DLGAP1: variants seen among roughly 807,000 people sequenced by gnomAD.
DLGAP1 encodes DLG associated protein 1.
Under a neutral mutation model 90.8 loss-of-function variants are expected in DLGAP1, and 11 were observed. The ratio of observed to expected loss-of-function variants is 0.12; its 90% CI spans 0.08 to 0.20. The LOEUF (loss-of-function observed/expected upper bound fraction) is 0.20, where lower values mean the gene tolerates loss of function less well. Among genes scored for constraint, DLGAP1 ranks in the 10% least tolerant of loss-of-function variants. The probability of loss-of-function intolerance (pLI) is 1.00; values close to 1 mark genes in which losing one functional copy is unlikely to be tolerated. For missense variants in DLGAP1, 1,050 were observed against 1,333.8 expected (o/e 0.79, Z 3.31); for synonymous variants, 558 against 540.7 (o/e 1.03, Z -0.44).
chr18:3,632,877 T>C (rs753827468), intron 7 of DLGAP1, among the ~76,000 whole-genome samples: 15 of 152,212 alleles, frequency 9.9e-5, no homozygotes, highest in Non-Finnish European at 1.6e-4. Context: ...TTACAACTTC[T>C]CATGAATGGA....
At chr18:3,932,497 A>T (rs895579417) in intron 3 of DLGAP1, among the ~76,000 whole-genome samples, 2 of 151,986 alleles carry the variant, frequency 1.3e-5, no homozygotes, top group African/African-American at 4.8e-5. Context: ...CTTGCGGGGG[A>T]GCCTAGGCCC....
Position 4,187,724 on chromosome 18 carries a change from G to A in DLGAP1, c.-266-36437C>T, listed in dbSNP as rs9952783. On this transcript the variant is annotated intron_variant, in intron 1 of 12. Coordinates refer to ENST00000315677, the MANE Select transcript of DLGAP1 (RefSeq NM_004746.4). The stretch of plus-strand genomic sequence containing the variant: ...TTTTAAATTAAATTGTCAGCTGGGC[G>A]TGGTGGCTCATGCCTGTAATCTCAG... Among the ~76,000 whole-genome samples the A allele has an allele frequency of 2.4e-3, 368 of 152,198 alleles. 2 individuals carry two copies. Among genetic ancestry groups the A allele is most frequent in the African/African-American group, 8.4e-3 (350 of 41,542 alleles).
intron 7 of DLGAP1, among the ~76,000 whole-genome samples, chr18:3,642,685 G>A (rs1254519744): frequency 2.0e-5 from 3 of 152,128 alleles, no homozygotes; most frequent in Non-Finnish European, 2.9e-5. Context: ...GATAACATAC[G>A]CCTTGCCTTT....
chr18:3,804,763 A>AT (rs1202413986), intron 5 of DLGAP1, among the ~76,000 whole-genome samples: 1 of 152,236 alleles, frequency 6.6e-6, no homozygotes, highest in Non-Finnish European at 1.5e-5. Context: ...ATGCGTTAGC[A>AT]TTTGTTCAAC....
At chr18:4,353,708 G>A (rs992305842) in intron 1 of DLGAP1, among the ~76,000 whole-genome samples, 2 of 150,522 alleles carry the variant, frequency 1.3e-5, no homozygotes, top group African/African-American at 4.9e-5. Context: ...ACATACACAC[G>A]ATATATAAAC....
intron 7 of DLGAP1, among the ~76,000 whole-genome samples, chr18:3,662,315 T>G (rs967161139): frequency 2.0e-5 from 3 of 152,202 alleles, no homozygotes; most frequent in Non-Finnish European, 4.4e-5. Flanking sequence ...TATTTAAGGA[T>G]GTACCTCATA....
rs535874480 is a variant in DLGAP1, at chr18:3,704,506, G to T, written c.1591+24629C>A. On this transcript the variant is annotated intron_variant, in intron 7 of 12. Transcript: ENST00000315677. ...AATCGCTTGAACCCGGGAGGCAGAG[G>T]TTGCAGTGAGCCGAGACTGCACCAC... Among the ~76,000 whole-genome samples the T allele has an allele frequency of 3.9e-5, 6 of 152,012 alleles. No homozygotes were observed. The South Asian group carries it at 1.2e-3, about 32-fold the overall frequency.
intron 2 of DLGAP1, among the ~76,000 whole-genome samples, chr18:4,042,000 A>T (rs541585943): frequency 2.0e-5 from 3 of 152,294 alleles, no homozygotes; most frequent in African/African-American, 7.2e-5. Context: ...ATAAAGAAGA[A>T]TTTTCTCATT....
intron 1 of DLGAP1, among the ~76,000 whole-genome samples, chr18:4,403,798 T>C (rs1204293910): frequency 2.0e-5 from 3 of 152,144 alleles, no homozygotes; most frequent in Non-Finnish European, 4.4e-5. Context: ...CAGTTGAGTG[T>C]CCATGGGTTA....
At chr18:3,537,968 C>T (rs186840673) in intron 9 of DLGAP1, among the ~76,000 whole-genome samples, 2 of 152,294 alleles carry the variant, frequency 1.3e-5, no homozygotes, top group African/African-American at 4.8e-5. Flanking sequence ...TTATACAACA[C>T]TAAATACACC....
chr18:4,371,619 C>T (rs910593073), intron 1 of DLGAP1, among the ~76,000 whole-genome samples: 3 of 152,056 alleles, frequency 2.0e-5, no homozygotes, highest in Admixed American at 2.0e-4. Context: ...TTAATCATTG[C>T]CTATTCAAAT....
intron 3 of DLGAP1, among the ~76,000 whole-genome samples, chr18:3,939,462 A>C (rs12970248): frequency 0.22 from 32,571 of 148,674 alleles, 4,516 homozygotes; most frequent in East Asian, 0.42. Context: ...CACCAAAAAA[A>C]CAAACAAACA....
At chr18:4,136,856 C>CTTTATAGTTTGAGGTCTTATT (rs1181180775) in intron 2 of DLGAP1, among the ~76,000 whole-genome samples, 2 of 152,024 alleles carry the variant, frequency 1.3e-5, no homozygotes, top group African/African-American at 4.8e-5. Context: ...TTCGCAGTAG[C>CTTTATAGTTTGAGGTCTTATT]TTTATAGTTT....
intron 2 of DLGAP1, among the ~76,000 whole-genome samples, chr18:4,025,142 G>A (rs1343122790): frequency 6.6e-6 from 1 of 152,140 alleles, no homozygotes; most frequent in Admixed American, 6.5e-5. Context: ...AAGAGTGTGT[G>A]AGGCCTTGAG....
intron 1 of DLGAP1, among the ~76,000 whole-genome samples, chr18:4,163,434 A>G (rs1430486836): frequency 1.3e-5 from 2 of 152,240 alleles, no homozygotes; most frequent in Non-Finnish European, 2.9e-5. Context: ...AAGGTGTTCC[A>G]GGTAGCAGAG....
chr18:4,205,647 C>CATA (rs2077706000), intron 1 of DLGAP1, among the ~76,000 whole-genome samples: 1 of 152,190 alleles, frequency 6.6e-6, no homozygotes, highest in Non-Finnish European at 1.5e-5. Flanking sequence ...CATGAGCCAC[C>CATA]ATGCCCAGCC....
At chr18:3,777,304 A>ATT (rs1417955174) in intron 5 of DLGAP1, among the ~76,000 whole-genome samples, 2 of 152,206 alleles carry the variant, frequency 1.3e-5, no homozygotes, top group African/African-American at 4.8e-5. Context: ...ACCCCCAGGG[A>ATT]CCAGAAACTT....
intron 1 of DLGAP1, among the ~76,000 whole-genome samples, chr18:4,297,553 C>T (rs2080013538): frequency 1.3e-5 from 2 of 152,152 alleles, no homozygotes; most frequent in East Asian, 3.9e-4. Context: ...GTTATTTTCA[C>T]ATTTCAGTAT....
At chr18:3,595,779 G>A (rs1175189320) in intron 7 of DLGAP1, among the ~76,000 whole-genome samples, 2 of 121,390 alleles carry the variant, frequency 1.6e-5, no homozygotes, top group Non-Finnish European at 3.5e-5. Flanking sequence ...CAAGTCATCC[G>A]TGTACACAAG....
Sources: gnomAD v4.1 joint callset for allele counts (sites outside exome capture counted in the v4.1 genomes callset) on GRCh38, gnomAD v4.1.1 for gene constraint, MANE v1.5 for transcripts, NCBI Gene and HGNC (gene_info 2026-07-23, HGNC 2026-07-21) for gene names.